The following GRB10 variants were observed in gnomAD, a reference collection of about 807,000 sequenced individuals.
GRB10 encodes the protein growth factor receptor-bound protein 10.
Under a neutral mutation model 80.9 loss-of-function variants are expected in GRB10, and 20 were observed. The observed-to-expected ratio is 0.25, with a 90% CI of 0.17 to 0.36. The LOEUF is 0.36. Among genes scored for constraint, GRB10 ranks in the 10% least tolerant of loss-of-function variants. GRB10 has a pLI of 1.00. For synonymous variants in GRB10, 291 were observed against 291.5 expected (o/e 1.00, Z 0.02); for missense variants, 548 against 747.7 (o/e 0.73, Z 3.12).
At chr7:50,599,813 A>G (rs2047297934) in intron 17 of GRB10, among the ~76,000 whole-genome samples, 1 of 152,238 alleles carries the variant, frequency 6.6e-6, no homozygotes, top group Non-Finnish European at 1.5e-5. Flanking sequence ...CACACAATTC[A>G]GGTGGCCCAG....
intron 5 of GRB10, among the ~76,000 whole-genome samples, chr7:50,682,195 G>A (rs926209250): frequency 1.3e-5 from 2 of 152,236 alleles, no homozygotes; most frequent in Non-Finnish European, 1.5e-5. Flanking sequence ...AGAACGCCTG[G>A]AGCAGTTGGC....
intron 5 of GRB10, among the ~76,000 whole-genome samples, chr7:50,697,474 G>A (rs1391566811): frequency 6.6e-6 from 1 of 152,110 alleles, no homozygotes; most frequent in South Asian, 2.1e-4. Flanking sequence ...CATTAGTTAG[G>A]AACAAGGTAA....
intron 8 of GRB10, among the ~76,000 whole-genome samples, chr7:50,622,754 T>C (rs1265144519): frequency 6.6e-6 from 1 of 152,044 alleles, no homozygotes; most frequent in African/African-American, 2.4e-5. Context: ...TAGTTTTGTA[T>C]GTTTAAATTT....
intron 2 of GRB10, among the ~76,000 whole-genome samples, chr7:50,759,518 T>C (rs965549548): frequency 2.6e-5 from 4 of 152,204 alleles, no homozygotes; most frequent in Non-Finnish European, 2.9e-5. Flanking sequence ...CCATTCACTT[T>C]AAAACATTTC....
intron 3 of GRB10, among the ~76,000 whole-genome samples, chr7:50,745,052 A>AC (rs2072650551): frequency 1.3e-5 from 2 of 152,172 alleles, no homozygotes. Flanking sequence ...TGCATTCATG[A>AC]CATAGCCTTT....
intron 8 of GRB10, among the ~76,000 whole-genome samples, chr7:50,625,159 T>G (rs562451132): frequency 6.6e-6 from 1 of 152,194 alleles, no homozygotes; most frequent in African/African-American, 2.4e-5. Context: ...ATGAAATAGA[T>G]AATTCAAAAT....
chr7:50,606,928 T>G (rs983686132), intron 13 of GRB10: 1 of 174,546 alleles, frequency 5.7e-6, no homozygotes, highest in African/African-American at 2.4e-5. Flanking sequence ...TCGTGACTTT[T>G]CTCTGTTCTT....
intron 2 of GRB10, among the ~76,000 whole-genome samples, chr7:50,764,109 A>C (rs974035486): frequency 5.9e-5 from 9 of 151,782 alleles, no homozygotes; most frequent in Non-Finnish European, 8.8e-5. Context: ...TTGTATTTGG[A>C]ATTTTTTCAA....
At chr7:50,732,049 G>A (rs746530631) in intron 4 of GRB10, among the ~76,000 whole-genome samples, 1 of 152,218 alleles carries the variant, frequency 6.6e-6, no homozygotes, top group Non-Finnish European at 1.5e-5. Context: ...ACAGTCAAAC[G>A]GGAATATGAC....
chr7:50,755,585 A>G (rs937596028), intron 3 of GRB10, among the ~76,000 whole-genome samples: 1 of 152,130 alleles, frequency 6.6e-6, no homozygotes. Context: ...GGGCACAAGG[A>G]GACCAGTGAG....
intron 5 of GRB10, among the ~76,000 whole-genome samples, chr7:50,681,158 C>T (rs2061499605): frequency 6.6e-6 from 1 of 152,328 alleles, no homozygotes; most frequent in African/African-American, 2.4e-5. Context: ...AACTAAGAAG[C>T]GACTGAGAGC....
At chr7:50,654,488 G>C (rs969941702) in intron 7 of GRB10, among the ~76,000 whole-genome samples, 1 of 152,208 alleles carries the variant, frequency 6.6e-6, no homozygotes, top group Admixed American at 6.5e-5. Flanking sequence ...GGATGACCTG[G>C]TCAGTTCTGT....
chr7:50,643,389 T>TC (rs1456861637), intron 7 of GRB10, among the ~76,000 whole-genome samples: 18 of 152,164 alleles, frequency 1.2e-4, no homozygotes, highest in Non-Finnish European at 2.2e-4. Context: ...CAGATGGGAC[T>TC]CCAAGGAAAC....
At chr7:50,640,121 G>C (rs888190243) in intron 7 of GRB10, among the ~76,000 whole-genome samples, 4 of 152,176 alleles carry the variant, frequency 2.6e-5, no homozygotes, top group Admixed American at 2.6e-4. Flanking sequence ...CCCAAACAGG[G>C]GCAGGGCCCT....
At chr7:50,605,210 T>C (rs4947709) in intron 15 of GRB10, 80 bp downstream of exon 15, 647,473 of 1,068,086 alleles carry the variant, frequency 0.61, 199,110 homozygotes, top group African/African-American at 0.69. Context: ...CGCATAGAGC[T>C]GTTCCTCTGG....
chr7:50,771,295 C>G (rs760833558), intron 2 of GRB10, among the ~76,000 whole-genome samples: 2 of 152,170 alleles, frequency 1.3e-5, no homozygotes, highest in Non-Finnish European at 2.9e-5. Flanking sequence ...GTCTACTCCT[C>G]CAGGGCCAGT....
At chr7:50,720,782 A>T (rs949451149) in intron 4 of GRB10, among the ~76,000 whole-genome samples, 8 of 139,520 alleles carry the variant, frequency 5.7e-5, no homozygotes, top group African/African-American at 1.8e-4. Context: ...GTACACCATT[A>T]AAAAAAAAAA....
At chr7:50,643,865 A>C (rs930378602) in intron 7 of GRB10, among the ~76,000 whole-genome samples, 8 of 152,354 alleles carry the variant, frequency 5.3e-5, no homozygotes, top group Admixed American at 3.3e-4. Context: ...GAATCAGGGT[A>C]AAGAATATAT....
At chr7:50,707,780 C>T (rs558096260) in intron 4 of GRB10, among the ~76,000 whole-genome samples, 1 of 152,196 alleles carries the variant, frequency 6.6e-6, no homozygotes, top group Non-Finnish European at 1.5e-5. Context: ...CTGCTCCAGG[C>T]CTGTCCTGCA....
Sources: allele counts gnomAD v4.1 joint callset (sites outside exome capture counted in the v4.1 genomes callset), GRCh38; gene constraint gnomAD v4.1.1; transcripts MANE v1.5; gene names NCBI Gene and HGNC (gene_info 2026-07-23, HGNC 2026-07-21).